ADARB1: variants seen among roughly 807,000 people sequenced by gnomAD.
The protein encoded by ADARB1 is adenosine deaminase RNA specific B1, also known as double-stranded RNA-specific editase 1.
ADARB1 carries 10 observed loss-of-function variants against 52.4 expected under a neutral mutation model. The ratio of observed to expected loss-of-function variants is 0.19; its 90% CI spans 0.12 to 0.32. The LOEUF is 0.32. Among genes scored for constraint, ADARB1 ranks in the 10% least tolerant of loss-of-function variants. The probability of loss-of-function intolerance (pLI) is 1.00; values close to 1 mark genes in which losing one functional copy is unlikely to be tolerated. For synonymous variants in ADARB1, 349 were observed against 371.1 expected (o/e 0.94, Z 0.68); for missense variants, 643 against 922.3 (o/e 0.70, Z 3.92).
chr21:45,171,838 G>A, intron 3 of ADARB1, 154 bp downstream of exon 3: 1 of 679,684 alleles, frequency 1.5e-6, no homozygotes, highest in Non-Finnish European at 2.4e-6. Flanking sequence ...TTTTTGGTGT[G>A]TTCTCTGCAA....
In ADARB1 at chr21:45,223,128, C is replaced by G; in HGVS notation, c.*931C>G. On this transcript the variant is annotated 3_prime_UTR_variant, in exon 11 of 11. Transcript: ENST00000348831. ...TGGCCTAAGTTCCCTCTGTTCCTTC[C>G]TCTGAATCGAATGGATGTGGGTGAC... The G allele has an allele frequency of 1.0e-6, 1 of 985,464 alleles. No homozygotes were observed. The highest frequency in any genetic ancestry group is 1.2e-6 in the Non-Finnish European group (1 of 829,950). The allele number at this position is 985,464 out of a possible 1,614,324, so 61.0% of individuals were successfully genotyped here. A position where few individuals can be genotyped will look rare whatever the true frequency, so the allele number is the denominator to read the frequency against.
chr21:45,136,532 G>A (rs2089386252), intron 2 of ADARB1, among the ~76,000 whole-genome samples: 1 of 152,252 alleles, frequency 6.6e-6, no homozygotes, highest in African/African-American at 2.4e-5. Context: ...GCGCTCAAGA[G>A]AGAATCATTC....
Position 45,182,760 on chromosome 21 carries a change from T to G in ADARB1, c.1247+7T>G. On this transcript the variant is annotated splice_region_variant and intron_variant, in intron 6 of 10. Transcript: ENST00000348831. Reference sequence around the variant, plus strand: ...AACTTGAGCTTTACTTAAAGTAAGTTTAGTAAACAAATAAGGACAGGAAGC... The same window carrying G: ...AACTTGAGCTTTACTTAAAGTAAGTGTAGTAAACAAATAAGGACAGGAAGC... The G allele has an allele frequency of 6.4e-7, 1 of 1,570,264 alleles. No individual in the cohort carries two copies.
intron 2 of ADARB1, among the ~76,000 whole-genome samples, chr21:45,131,135 G>A (rs1025507819): frequency 3.9e-5 from 6 of 152,184 alleles, no homozygotes; most frequent in Non-Finnish European, 7.3e-5. Context: ...AATATAAAGA[G>A]AAACTGAAGA....
In ADARB1 at chr21:45,173,116, G is replaced by A. The variant is rs771915267; in HGVS notation, c.28+1432G>A. 7.6e-4 allele frequency among the ~76,000 whole-genome samples: 116 copies of A among 152,342 alleles called. No homozygotes were observed. The Middle Eastern group carries it at 0.014, about 18-fold the overall frequency. On this transcript the variant is annotated intron_variant, in intron 3 of 10. Coordinates refer to ENST00000348831, the MANE Select transcript of ADARB1 (RefSeq NM_001112.4). Reference sequence around the variant, plus strand: ...TCGCATAGACAGAGGCTTTGTGATCGTGTAGGTTCTGGAACTATCCCCAAA... The same window carrying A: ...TCGCATAGACAGAGGCTTTGTGATCATGTAGGTTCTGGAACTATCCCCAAA...
chr21:45,098,157 G>T (rs1269446976), intron 1 of ADARB1, among the ~76,000 whole-genome samples: 2 of 152,150 alleles, frequency 1.3e-5, no homozygotes, highest in African/African-American at 4.8e-5. Context: ...CCAGCAGCTG[G>T]CAAGTCATTC....
chr21:45,119,045 AGAG>A (rs1448970978), intron 1 of ADARB1, among the ~76,000 whole-genome samples: 1 of 152,202 alleles, frequency 6.6e-6, no homozygotes, highest in Non-Finnish European at 1.5e-5. Flanking sequence ...GGAAGAATGG[AGAG>A]AAGATATGGT....
chr21:45,131,250 G>GGCA, intron 2 of ADARB1, among the ~76,000 whole-genome samples: 1 of 152,270 alleles, frequency 6.6e-6, no homozygotes, highest in East Asian at 1.9e-4. Context: ...GCAGATGTGG[G>GGCA]GTAGGTACTG....
chr21:45,169,320 T>C (rs1338183133), intron 2 of ADARB1, among the ~76,000 whole-genome samples: 1 of 152,196 alleles, frequency 6.6e-6, no homozygotes, highest in African/African-American at 2.4e-5. Context: ...TGAGGTTTTT[T>C]GTTTGGTGTT....
At chr21:45,149,317 G>C (rs972940165) in intron 2 of ADARB1, among the ~76,000 whole-genome samples, 1 of 152,230 alleles carries the variant, frequency 6.6e-6, no homozygotes, top group South Asian at 2.1e-4. Flanking sequence ...CATGCATGCT[G>C]ATGAGTTGCT....
chr21:45,114,533 A>C (rs1194272855), intron 1 of ADARB1, among the ~76,000 whole-genome samples: 6 of 152,334 alleles, frequency 3.9e-5, no homozygotes, highest in South Asian at 2.1e-4. Flanking sequence ...GTGTTTTTAA[A>C]GGTCCGACTA....
intron 2 of ADARB1, among the ~76,000 whole-genome samples, chr21:45,152,235 T>G (rs944445221): frequency 1.8e-4 from 26 of 146,244 alleles, no homozygotes; most frequent in Non-Finnish European, 3.2e-4. Context: ...ATTTTTTGTA[T>G]TAGGATTTCC....
intron 1 of ADARB1, among the ~76,000 whole-genome samples, chr21:45,080,707 A>AGGT (rs1454240262): frequency 6.6e-6 from 1 of 152,216 alleles, no homozygotes; most frequent in African/African-American, 2.4e-5. Context: ...TGTTACCTGG[A>AGGT]GGTTGGCACC....
chr21:45,084,114 C>T (rs2086250830), intron 1 of ADARB1, among the ~76,000 whole-genome samples: 1 of 152,220 alleles, frequency 6.6e-6, no homozygotes, highest in African/African-American at 2.4e-5. Flanking sequence ...ATGGTGCATT[C>T]TCTTCATGCC....
intron 5 of ADARB1, 32 bp from the exon 6 acceptor site, chr21:45,182,553 C>T (rs769580927): frequency 1.9e-6 from 3 of 1,568,188 alleles, no homozygotes; most frequent in Non-Finnish European, 2.6e-6. Flanking sequence ...CTGTGAATTA[C>T]AGAAAATAGT....
intron 9 of ADARB1, among the ~76,000 whole-genome samples, chr21:45,205,492 G>A (rs1185738578): frequency 1.3e-5 from 2 of 152,166 alleles, no homozygotes; most frequent in African/African-American, 2.4e-5. Context: ...TGTCCACAGC[G>A]GTGAGCTGCC....
Position 45,225,039 on chromosome 21 carries a change from A to T in ADARB1, c.*2842A>T, listed in dbSNP as rs575277654. 34 of 985,026 alleles carry T rather than the reference A, an allele frequency of 3.5e-5. No individual in the cohort carries two copies. The African/African-American group carries it at 5.4e-4, about 16-fold the overall frequency. 61.0% of individuals were successfully genotyped at this position (985,026 alleles called of 1,614,324 possible). A position where few individuals can be genotyped will look rare whatever the true frequency, so the allele number is the denominator to read the frequency against. Reference sequence around the variant, plus strand: ...AGAAAAAATATTACATTTTGAGGACATTTTGACAAGTAGGGGAAGAGAGGG... The same window carrying T: ...AGAAAAAATATTACATTTTGAGGACTTTTTGACAAGTAGGGGAAGAGAGGG... On this transcript the variant is annotated 3_prime_UTR_variant, in exon 11 of 11. Coordinates refer to ENST00000348831, the MANE Select transcript of ADARB1 (RefSeq NM_001112.4).
chr21:45,122,070 A>G (rs1406716771), intron 1 of ADARB1, among the ~76,000 whole-genome samples: 1 of 152,236 alleles, frequency 6.6e-6, no homozygotes. Flanking sequence ...CCACGAGCAT[A>G]TCATGCCTCT....
intron 8 of ADARB1, among the ~76,000 whole-genome samples, chr21:45,196,544 A>C (rs1036585045): frequency 6.6e-6 from 1 of 152,252 alleles, no homozygotes; most frequent in Non-Finnish European, 1.5e-5. Context: ...TTAAACAGTG[A>C]GAAATAAACT....
Sources: gnomAD v4.1 joint callset for allele counts (sites outside exome capture counted in the v4.1 genomes callset) on GRCh38, gnomAD v4.1.1 for gene constraint, MANE v1.5 for transcripts, NCBI Gene and HGNC (gene_info 2026-07-23, HGNC 2026-07-21) for gene names.